HAVCR2: variants seen among roughly 807,000 people sequenced by gnomAD.
HAVCR2 encodes the protein T cell immunoglobulin mucin 3.
HAVCR2 carries 13 observed loss-of-function variants against 24.7 expected under a neutral mutation model. That is an observed-to-expected ratio of 0.53 (90% CI 0.34 to 0.84). HAVCR2 has a LOEUF of 0.84. Among genes scored for constraint, HAVCR2 ranks in the 40% least tolerant of loss-of-function variants. The pLI is 0.01. For synonymous variants in HAVCR2, 154 were observed against 143.4 expected (o/e 1.07, Z -0.53); for missense variants, 343 against 371.2 (o/e 0.92, Z 0.62).
At chr5:157,098,832 C>T in intron 4 of HAVCR2, 26 bp downstream of exon 4, 1 of 1,606,768 alleles carries the variant, frequency 6.2e-7, no homozygotes, top group East Asian at 2.2e-5. Flanking sequence ...TTGAGTACAA[C>T]ATAGCTCACA....
rs968029833 is a variant in HAVCR2, at chr5:157,106,868, G to T, written c.153C>A (p.Val51=). The change falls in exon 2 of 7, where the codon GTC becomes GTA. Residue 51 remains valine, a synonymous_variant. Coordinates refer to ENST00000307851, the MANE Select transcript of HAVCR2 (RefSeq NM_032782.5). The part of the protein sequence containing the change: ...TPAAPGNLVP[V]CWGKGACPVF... ...CAGGACAGGCTCCTTTGCCCCAGCA[G>T]ACGGGCACGAGGTTCCCTGGGGCGG... 4 of 1,614,128 alleles carry T rather than the reference G, an allele frequency of 2.5e-6. No homozygotes were observed. Among genetic ancestry groups the T allele is most frequent in the Non-Finnish European group, 3.4e-6 (4 of 1,180,052 alleles).
intron 4 of HAVCR2, among the ~76,000 whole-genome samples, chr5:157,096,107 T>G (rs1757091320): frequency 6.6e-6 from 1 of 151,246 alleles, no homozygotes; most frequent in Admixed American, 6.6e-5. Flanking sequence ...ATGCCTGTAA[T>G]CCTAGCTAGT....
At chr5:157,088,527 C>A (rs192191584) in intron 6 of HAVCR2, among the ~76,000 whole-genome samples, 2,553 of 152,288 alleles carry the variant, frequency 0.017, 82 homozygotes, top group African/African-American at 0.059. Context: ...TAATAGGAAA[C>A]TAAAGTTGAA....
rs1757220707 is a variant in HAVCR2, at chr5:157,104,704, G to C, written c.440C>G (p.Ala147Gly). The C allele has an allele frequency of 1.2e-6, 2 of 1,605,142 alleles. No homozygotes were observed. Among genetic ancestry groups the C allele is most frequent in the East Asian group, 2.2e-5 (1 of 44,788 alleles). Residue 147 changes from alanine (A) to glycine (G), a missense_variant, in exon 3 of 7, where the codon GCC becomes GGC. Coordinates refer to ENST00000307851, the MANE Select transcript of HAVCR2 (RefSeq NM_032782.5). ...APTRQRDFTA[A>G]FPRMLTTRGH... ...CCTGGTGGTAAGCATCCTTGGAAAG[G>C]CTGCAGTGAAGTCTCTCTGCCGAGT...
intron 4 of HAVCR2, among the ~76,000 whole-genome samples, chr5:157,097,606 G>T (rs937406707): frequency 6.6e-6 from 1 of 151,650 alleles, no homozygotes; most frequent in Non-Finnish European, 1.5e-5. Flanking sequence ...CCTTCTAGTG[G>T]TTTTTCTTTT....
intron 1 of HAVCR2, among the ~76,000 whole-genome samples, chr5:157,107,865 C>G (rs1050454144): frequency 2.0e-5 from 3 of 148,730 alleles, no homozygotes; most frequent in Non-Finnish European, 3.0e-5. Context: ...CTCTGCCCCC[C>G]CCCCTTTTTT....
chr5:157,097,635 T>C (rs1757110712), intron 4 of HAVCR2, among the ~76,000 whole-genome samples: 1 of 152,082 alleles, frequency 6.6e-6, no homozygotes, highest in South Asian at 2.1e-4. Context: ...ATTTCGCTCT[T>C]GTTGCCCAGG....
Position 157,086,274 on chromosome 5 carries a change from T to C in HAVCR2, c.*828A>G. 6.6e-6 allele frequency: 1 copy of C among 152,264 alleles called. No homozygotes were observed. The highest frequency in any genetic ancestry group is 1.5e-5 in the Non-Finnish European group (1 of 68,074). 9.4% of individuals were successfully genotyped at this position (152,264 alleles called of 1,614,324 possible). On this transcript the variant is annotated 3_prime_UTR_variant, in exon 7 of 7. Coordinates refer to ENST00000307851, the MANE Select transcript of HAVCR2 (RefSeq NM_032782.5). ...CTGGCACTGACAGTTGGGCAGGCAG[T>C]GCTCAAATAAGCCTAAATCTCAACA...
At chr5:157,105,894 G>C (rs566690552) in intron 2 of HAVCR2, among the ~76,000 whole-genome samples, 1 of 151,974 alleles carries the variant, frequency 6.6e-6, no homozygotes, top group African/African-American at 2.4e-5. Context: ...CTTTTTAAGA[G>C]ATAGGGGTAG....
Position 157,098,889 on chromosome 5 carries a change from G to A in HAVCR2, c.491C>T (p.Thr164Ile), listed in dbSNP as rs756970875. 2 of 1,613,184 alleles carry A rather than the reference G, an allele frequency of 1.2e-6. No homozygotes were observed. The highest frequency in any genetic ancestry group is 2.2e-5 in the South Asian group (2 of 91,040). Residue 164 changes from threonine (T) to isoleucine (I), a missense_variant, in exon 4 of 7, where the codon ACA becomes ATA. Transcript: ENST00000307851. ...ATTTATATCAGGGAGGCTCCCCAGT[G>A]TCTGTGTCTCTGCTATAAAAAGAGA... is the stretch of plus-strand genomic sequence containing the variant. ...TRGHGPAETQ[T>I]LGSLPDINLT...
intron 2 of HAVCR2, chr5:157,106,250 C>T (rs1581763623): frequency 5.9e-6 from 1 of 169,458 alleles, no homozygotes; most frequent in East Asian, 1.7e-4. Flanking sequence ...CCTGCTTCAG[C>T]CCCCCAAGTA....
chr5:157,096,363 T>C (rs1449357196), intron 4 of HAVCR2, among the ~76,000 whole-genome samples: 3 of 152,030 alleles, frequency 2.0e-5, no homozygotes, highest in Admixed American at 2.0e-4. Flanking sequence ...AAATGTTCAA[T>C]CAATCGTAGC....
intron 5 of HAVCR2, among the ~76,000 whole-genome samples, chr5:157,090,122 C>CTTTTTTTTTTTTTTTTTTTTTTTTT (rs869177923): frequency 1.5e-5 from 1 of 65,576 alleles, no homozygotes; most frequent in African/African-American, 6.4e-5. Context: ...CTTTTCTTTT[C>CTTTTTTTTTTTTTTTTTTTTTTTTT]TTTTTTTTTT....
intron 3 of HAVCR2, among the ~76,000 whole-genome samples, chr5:157,102,370 A>C (rs1474580202): frequency 6.6e-6 from 1 of 152,080 alleles, no homozygotes; most frequent in Non-Finnish European, 1.5e-5. Context: ...CACTGTGCCC[A>C]GCCCCATTTT....
intron 3 of HAVCR2, among the ~76,000 whole-genome samples, chr5:157,100,613 T>C (rs1391698419): frequency 6.6e-6 from 1 of 152,230 alleles, no homozygotes; most frequent in African/African-American, 2.4e-5. Context: ...GAGTCAGAGA[T>C]GTTGAAACTT....
rs753710650 is a variant in HAVCR2 at position 157,104,677 on chromosome 5, C to T, written c.467G>A (p.Gly156Glu). 1.7e-5 allele frequency: 28 copies of T among 1,601,554 alleles called. No individual in the cohort carries two copies. The highest frequency in any genetic ancestry group is 4.0e-5 in the African/African-American group (3 of 74,780). ...AAFPRMLTTRGHGPAETQTLG... is the reference protein window; with the variant it reads ...AAFPRMLTTREHGPAETQTLG... The stretch of plus-strand genomic sequence containing the variant: ...CCATGCATAGTTACCTGGGCCATGT[C>T]CCCTGGTGGTAAGCATCCTTGGAAA... The change falls in exon 3 of 7, where the codon GGA becomes GAA. Residue 156 changes from glycine (G) to glutamate (E), a missense_variant. Gly to Glu is a moderately conservative substitution (Grantham distance 98). Coordinates refer to ENST00000307851, the MANE Select transcript of HAVCR2 (RefSeq NM_032782.5).
intron 4 of HAVCR2, among the ~76,000 whole-genome samples, chr5:157,096,797 A>C (rs930929710): frequency 1.3e-5 from 2 of 151,788 alleles, no homozygotes; most frequent in African/African-American, 4.8e-5. Context: ...TAATAAATTA[A>C]TAAATAAATA....
rs767174259 is a variant in HAVCR2, at chr5:157,106,685, G to A, written c.336C>T (p.Ile112=). 1 of 1,614,190 alleles carries A rather than the reference G, an allele frequency of 6.2e-7. No homozygotes were observed. The highest frequency in any genetic ancestry group is 1.1e-5 in the South Asian group (1 of 91,092). Reference sequence around the variant, plus strand: ...CATCATTCATTATGCCTGGGATTTGGATCCGGCAGCAGTAGATCCCACTGT... The same window carrying A: ...CATCATTCATTATGCCTGGGATTTGAATCCGGCAGCAGTAGATCCCACTGT... ...LADSGIYCCR[I]QIPGIMNDEK... The change falls in exon 2 of 7, where the codon ATC becomes ATT. Residue 112 remains isoleucine, a synonymous_variant. Transcript: ENST00000307851.
In HAVCR2 at chr5:157,095,428, T is replaced by C; in HGVS notation, c.554A>G (p.Asp185Gly). 1 of 1,613,634 alleles carries C rather than the reference T, an allele frequency of 6.2e-7. No homozygotes were observed. Among genetic ancestry groups the C allele is most frequent in the Admixed American group, 1.7e-5 (1 of 59,958 alleles). ...QISTLANELR[D>G]SRLANDLRDS... is the part of the protein sequence containing the mutation. ...CCGTAAGTCATTGGCCAATCTAGAGTCCCGTAACTCATTGGCCAATGTGGA... is the reference window on the plus strand; with the variant it reads ...CCGTAAGTCATTGGCCAATCTAGAGCCCCGTAACTCATTGGCCAATGTGGA... Residue 185 changes from aspartate (D) to glycine (G), a missense_variant, in exon 5 of 7, where the codon GAC becomes GGC. Physicochemically the swap from Asp to Gly is moderately conservative, Grantham distance 94. Coordinates refer to ENST00000307851, the MANE Select transcript of HAVCR2 (RefSeq NM_032782.5).
Sources: gnomAD v4.1 joint callset for allele counts (sites outside exome capture counted in the v4.1 genomes callset) on GRCh38, gnomAD v4.1.1 for gene constraint, MANE v1.5 for transcripts, NCBI Gene and HGNC (gene_info 2026-07-23, HGNC 2026-07-21) for gene names.